The following CLIP4 variants were observed in gnomAD, a reference collection of about 807,000 sequenced individuals.
CLIP4 encodes the protein CAP-Gly domain-containing linker protein 4.
A neutral mutation model predicts 73.1 loss-of-function variants in CLIP4; 47 were observed. The ratio of observed to expected loss-of-function variants is 0.64; its 90% CI spans 0.51 to 0.82. CLIP4 has a LOEUF of 0.82. Ranked by LOEUF, CLIP4 falls within the 40% of genes least tolerant of loss-of-function variation. The pLI is 0.00. For missense variants in CLIP4, 874 were observed against 852.9 expected (o/e 1.02, Z -0.31); for synonymous variants, 306 against 295.4 (o/e 1.04, Z -0.37).
chr2:29,183,505 ACT>A lies in CLIP4; in HGVS notation c.*1615_*1616del, dbSNP rs1243423110. On this transcript the variant is annotated 3_prime_UTR_variant, in exon 16 of 16. Transcript: ENST00000320081. Reference sequence around the variant, plus strand: ...TTATTATACAGATTATTTCTTAAAAACTCTATTTATACCTTAACATGAAATCC... The same window carrying A: ...TTATTATACAGATTATTTCTTAAAAACTATTTATACCTTAACATGAAATCC... 6.6e-6 allele frequency: 1 copy of A among 152,540 alleles called. No individual in the cohort carries two copies. Among genetic ancestry groups the A allele is most frequent in the Non-Finnish European group, 1.5e-5 (1 of 68,020 alleles). The allele number at this position is 152,540 out of a possible 1,614,324, so 9.4% of individuals were successfully genotyped here. A position where few individuals can be genotyped will look rare whatever the true frequency, so the allele number is the denominator to read the frequency against.
intron 6 of CLIP4, among the ~76,000 whole-genome samples, chr2:29,139,959 T>A (rs1215072324): frequency 6.6e-6 from 1 of 152,144 alleles, no homozygotes; most frequent in Admixed American, 6.5e-5. Context: ...GAATGCCTTT[T>A]TTGGTTTCAG....
intron 9 of CLIP4, among the ~76,000 whole-genome samples, chr2:29,155,680 A>C (rs985838674): frequency 6.6e-6 from 1 of 152,076 alleles, no homozygotes; most frequent in Non-Finnish European, 1.5e-5. Flanking sequence ...TCTCCTCTCC[A>C]CCCTCTTCAT....
chr2:29,164,741 G>A (rs1008096262), intron 13 of CLIP4, among the ~76,000 whole-genome samples: 6 of 152,180 alleles, frequency 3.9e-5, no homozygotes, highest in Middle Eastern at 3.2e-3. Flanking sequence ...CAACTAGACT[G>A]TTGTGACTAT....
intron 14 of CLIP4, 83 bp from the exon 15 acceptor site, chr2:29,174,290 A>T: frequency 8.7e-7 from 1 of 1,146,438 alleles, no homozygotes; most frequent in Non-Finnish European, 1.3e-6. Context: ...TAGAACATCT[A>T]CAGAAGAAGT....
intron 1 of CLIP4, among the ~76,000 whole-genome samples, chr2:29,116,428 C>G (rs1180164647): frequency 1.3e-5 from 2 of 152,210 alleles, no homozygotes; most frequent in East Asian, 3.8e-4. Flanking sequence ...GCACCATCAT[C>G]GTATAAAACG....
chr2:29,175,107 G>T (rs1283906699), intron 15 of CLIP4, among the ~76,000 whole-genome samples: 1 of 152,142 alleles, frequency 6.6e-6, no homozygotes, highest in Non-Finnish European at 1.5e-5. Flanking sequence ...ACACGTGCTT[G>T]TTTAAGTAAT....
intron 8 of CLIP4, among the ~76,000 whole-genome samples, chr2:29,146,253 A>T (rs570490257): frequency 6.6e-6 from 1 of 152,244 alleles, no homozygotes; most frequent in East Asian, 1.9e-4. Context: ...CCAGCTCTGC[A>T]GACCTCCCTC....
chr2:29,139,553 T>C (rs1665613376), intron 6 of CLIP4, among the ~76,000 whole-genome samples: 1 of 152,150 alleles, frequency 6.6e-6, no homozygotes. Flanking sequence ...TTTGGTAGGA[T>C]TGTTATCAGC....
At chr2:29,153,104 AT>A (rs375292602) in intron 9 of CLIP4, among the ~76,000 whole-genome samples, 311 of 152,174 alleles carry the variant, frequency 2.0e-3, no homozygotes, top group African/African-American at 7.3e-3. Flanking sequence ...CTTTCATCAA[AT>A]TTTTATGGAA....
At chr2:29,130,659 A>G in intron 2 of CLIP4, 1 of 1,127,276 alleles carries the variant, frequency 8.9e-7, no homozygotes, top group Non-Finnish European at 1.1e-6. Flanking sequence ...GAATGTTATC[A>G]CATTTCAGTT....
At chr2:29,120,060 G>T (rs1664150438) in intron 1 of CLIP4, among the ~76,000 whole-genome samples, 1 of 152,132 alleles carries the variant, frequency 6.6e-6, no homozygotes, top group Admixed American at 6.5e-5. Flanking sequence ...ATTTGAGGAA[G>T]ATCACCGCTG....
intron 5 of CLIP4, among the ~76,000 whole-genome samples, chr2:29,134,853 A>G (rs1665235415): frequency 6.6e-6 from 1 of 152,154 alleles, no homozygotes; most frequent in African/African-American, 2.4e-5. Context: ...TGAAATTCAA[A>G]TTCATTTGTT....
At chr2:29,130,888 G>A in intron 2 of CLIP4, 1 of 1,290,408 alleles carries the variant, frequency 7.7e-7, no homozygotes. Context: ...GAGCTCAGTG[G>A]TGAGTTACCT....
intron 15 of CLIP4, among the ~76,000 whole-genome samples, chr2:29,176,441 A>T (rs1157211863): frequency 6.6e-6 from 1 of 152,216 alleles, no homozygotes; most frequent in Admixed American, 6.5e-5. Context: ...TTGGGTAGAA[A>T]CTTGAAGGCC....
chr2:29,150,083 T>C (rs1666449778), intron 8 of CLIP4, among the ~76,000 whole-genome samples: 1 of 152,198 alleles, frequency 6.6e-6, no homozygotes, highest in African/African-American at 2.4e-5. Context: ...AGCTCTTACA[T>C]AATAAAGGGA....
At chr2:29,161,668 G>A (rs954477960) in intron 12 of CLIP4, among the ~76,000 whole-genome samples, 1 of 152,116 alleles carries the variant, frequency 6.6e-6, no homozygotes, top group East Asian at 1.9e-4. Flanking sequence ...GGGTGAGAGC[G>A]AGCGAGCCAG....
In CLIP4 at chr2:29,156,421, T is replaced by G; in HGVS notation, c.1233T>G (p.Leu411=). ...STLSLPPGEE[L]KTVTEKDVAL... ...TTTCATTGCCTCCTGGTGAAGAACT[T>G]AAAACTGTGACAGAGAAAGATGGTA... Residue 411 remains leucine, a synonymous_variant, in exon 10 of 16, where the codon CTT becomes CTG. Transcript: ENST00000320081. 1.3e-6 allele frequency: 2 copies of G among 1,579,838 alleles called. No homozygotes were observed. Among genetic ancestry groups the G allele is most frequent in the Non-Finnish European group, 1.7e-6 (2 of 1,170,750 alleles).
At position 29,132,167 on chromosome 2, in the gene CLIP4, T is replaced by A; in HGVS notation, c.289T>A (p.Cys97Ser). 1 of 1,613,588 alleles carries A rather than the reference T, an allele frequency of 6.2e-7. No homozygotes were observed. Among genetic ancestry groups the A allele is most frequent in the Non-Finnish European group, 8.5e-7 (1 of 1,179,584 alleles). The change falls in exon 4 of 16, where the codon TGC becomes AGC. Residue 97 changes from cysteine (C) to serine (S), a missense_variant. Coordinates refer to ENST00000320081, the MANE Select transcript of CLIP4 (RefSeq NM_024692.6). The stretch of plus-strand genomic sequence containing the variant: ...ACTGCTTCAGATTCTTAAGAGAGGT[T>A]GCAATGTGAATGATAGAGATGGATT... The part of the protein sequence containing the change: ...IIGNEILKRG[C>S]NVNDRDGLTD...
chr2:29,121,749 C>A (rs948894563), intron 2 of CLIP4, among the ~76,000 whole-genome samples: 5 of 152,082 alleles, frequency 3.3e-5, no homozygotes, highest in Non-Finnish European at 5.9e-5. Flanking sequence ...TCATTTTAAG[C>A]ATCATGATGG....
Sources: allele counts gnomAD v4.1 joint callset (sites outside exome capture counted in the v4.1 genomes callset), GRCh38; gene constraint gnomAD v4.1.1; transcripts MANE v1.5; gene names NCBI Gene and HGNC (gene_info 2026-07-23, HGNC 2026-07-21).